The following GASK1A variants were observed in gnomAD, a reference collection of about 807,000 sequenced individuals.
The protein encoded by GASK1A is golgi associated kinase 1A.
In GASK1A, 40 loss-of-function variants were observed where a neutral mutation model predicts 41.2. That is an observed-to-expected ratio of 0.97 (90% CI 0.75 to 1.27). GASK1A has a LOEUF of 1.27. Ranked by LOEUF, GASK1A falls within the 50% of genes most tolerant of loss-of-function variation. The pLI, the probability that GASK1A is intolerant of heterozygous loss-of-function variation, is 0.00. For synonymous variants in GASK1A, 316 were observed against 307.1 expected (o/e 1.03, Z -0.30); for missense variants, 678 against 745.1 (o/e 0.91, Z 1.05).
Position 42,979,510 on chromosome 3 carries a change from C to T in GASK1A, c.-133C>T, listed in dbSNP as rs2089268503. 6 of 1,039,642 alleles carry T rather than the reference C, an allele frequency of 5.8e-6. No homozygotes were observed. Among genetic ancestry groups the T allele is most frequent in the Non-Finnish European group, 7.4e-6 (6 of 811,694 alleles). The allele number at this position is 1,039,642 out of a possible 1,614,324, so 64.4% of individuals were successfully genotyped here. The stretch of plus-strand genomic sequence containing the variant: ...CGTGTGCACCTTCAGTCCGGGAAAC[C>T]CGCCCCAGCCGAGTAGCCGCGCATC... On this transcript the variant is annotated 5_prime_UTR_variant, in exon 1 of 5. Coordinates refer to ENST00000430121, the MANE Select transcript of GASK1A (RefSeq NM_001129908.3).
At chr3:42,988,790 T>G (rs1490762521) in intron 1 of GASK1A, among the ~76,000 whole-genome samples, 3 of 152,240 alleles carry the variant, frequency 2.0e-5, no homozygotes, top group African/African-American at 7.2e-5. Context: ...CCACTGCCTC[T>G]CTGTGCTTCA....
rs547069158 is a variant in GASK1A, at chr3:42,994,144, T to C, written c.3+14499T>C. ...AGCCCTTGCATTTTGATATCTAGTC[T>C]TTGGAAATTTTTTGCTAAAAATAAA... On this transcript the variant is annotated intron_variant, in intron 1 of 4. Transcript: ENST00000430121. Among the ~76,000 whole-genome samples, 8 of 152,352 alleles carry C rather than the reference T, an allele frequency of 5.3e-5. No individual in the cohort carries two copies. The South Asian group carries it at 1.7e-3, about 32-fold the overall frequency.
chr3:43,030,588 C>A (rs1337866106), intron 1 of GASK1A, among the ~76,000 whole-genome samples: 2 of 152,242 alleles, frequency 1.3e-5, no homozygotes, highest in African/African-American at 4.8e-5. Flanking sequence ...TCTCTCCCTG[C>A]AGACTGGCTC....
intron 1 of GASK1A, among the ~76,000 whole-genome samples, chr3:43,009,607 C>T (rs949009036): frequency 2.0e-5 from 3 of 152,154 alleles, no homozygotes; most frequent in African/African-American, 4.8e-5. Context: ...TTTCGAGTTC[C>T]TCAGCCATAA....
intron 1 of GASK1A, among the ~76,000 whole-genome samples, chr3:43,024,358 G>A (rs1333433956): frequency 6.6e-6 from 1 of 152,164 alleles, no homozygotes; most frequent in Non-Finnish European, 1.5e-5. Flanking sequence ...AGCTGCATTT[G>A]CTCTCGCAAT....
rs1271105948 is a variant in GASK1A at position 43,055,669 on chromosome 3, A to T, written c.1517+134A>T. ...ACAGAAGTTATTGGATCAGAACTTT[A>T]GGCGGTGGTGGGGAGCCCTGGGAAA... On this transcript the variant is annotated intron_variant, in intron 4 of 4. Coordinates refer to ENST00000430121, the MANE Select transcript of GASK1A (RefSeq NM_001129908.3). 4 of 677,124 alleles carry T rather than the reference A, an allele frequency of 5.9e-6. No homozygotes were observed. In the African/African-American group the frequency reaches 7.2e-5, roughly 12 times the overall value. The allele number at this position is 677,124 out of a possible 1,614,324, so 41.9% of individuals were successfully genotyped here. A position where few individuals can be genotyped will look rare whatever the true frequency, so the allele number is the denominator to read the frequency against.
At chr3:43,055,246 T>C (rs757044722) in intron 3 of GASK1A, among the ~76,000 whole-genome samples, 186 bp from the exon 4 acceptor site, 3 of 152,196 alleles carry the variant, frequency 2.0e-5, no homozygotes, top group Admixed American at 6.5e-5. Context: ...ATTGACAGGA[T>C]GTCTGGAAGC....
intron 1 of GASK1A, among the ~76,000 whole-genome samples, chr3:42,986,949 G>T (rs527803441): frequency 6.6e-6 from 1 of 152,228 alleles, no homozygotes; most frequent in Non-Finnish European, 1.5e-5. Context: ...GCATCCGGAT[G>T]TATGGGTCTC....
In GASK1A at chr3:43,032,804, G is replaced by A. The variant is rs1368971248; in HGVS notation, c.541G>A (p.Ala181Thr). 2 of 1,549,982 alleles carry A rather than the reference G, an allele frequency of 1.3e-6. No homozygotes were observed. Among genetic ancestry groups the A allele is most frequent in the Non-Finnish European group, 1.7e-6 (2 of 1,146,978 alleles). Residue 181 changes from alanine (A) to threonine (T), a missense_variant, in exon 2 of 5, where the codon GCT (alanine) becomes ACT (threonine). By Grantham distance (58) the Ala-to-Thr change is moderately conservative. Transcript: ENST00000430121. ...TCCACTCCCAGGGAGTGACATGGCA[G>A]CTTTACCGGCTTGGAGAGCTACTTC... ...VSPLPGSDMA[A>T]LPAWRATSGL...
At chr3:43,022,084 G>C (rs978123065) in intron 1 of GASK1A, among the ~76,000 whole-genome samples, 1 of 152,214 alleles carries the variant, frequency 6.6e-6, no homozygotes, top group Non-Finnish European at 1.5e-5. Flanking sequence ...CCGCCCCCCG[G>C]CATGTCTGCA....
At chr3:43,025,166 A>G (rs1283133147) in intron 1 of GASK1A, among the ~76,000 whole-genome samples, 3 of 152,180 alleles carry the variant, frequency 2.0e-5, no homozygotes, top group African/African-American at 7.2e-5. Context: ...CCTGCAGAGG[A>G]GCAGGAGTGG....
chr3:43,042,785 C>T (rs1315797138), intron 2 of GASK1A, among the ~76,000 whole-genome samples: 1 of 152,140 alleles, frequency 6.6e-6, no homozygotes, highest in Non-Finnish European at 1.5e-5. Flanking sequence ...TCCTCAAAGC[C>T]CATCAGCTGG....
Position 43,019,975 on chromosome 3 carries a change from G to A in GASK1A, c.4-12292G>A, listed in dbSNP as rs117981093. 8.5e-4 allele frequency among the ~76,000 whole-genome samples: 130 copies of A among 152,268 alleles called. 2 individuals carry two copies. The East Asian group carries it at 0.023, about 26-fold the overall frequency. On this transcript the variant is annotated intron_variant, in intron 1 of 4. Transcript: ENST00000430121. ...CAGTTTGGTGGAGGACCAAATTTTT[G>A]TCATCCTTTTTTGATGTCTGGTAGT...
intron 1 of GASK1A, among the ~76,000 whole-genome samples, chr3:42,998,658 T>A (rs2089389845): frequency 6.6e-6 from 1 of 152,100 alleles, no homozygotes; most frequent in Non-Finnish European, 1.5e-5. Flanking sequence ...GGGGTCTCTG[T>A]CTCTGCCTCC....
intron 1 of GASK1A, among the ~76,000 whole-genome samples, chr3:43,024,286 A>G (rs1027074249): frequency 6.6e-6 from 1 of 152,038 alleles, no homozygotes; most frequent in African/African-American, 2.4e-5. Flanking sequence ...GAAATTATTC[A>G]ATTTCAGTTA....
At chr3:43,031,661 G>C (rs1200251533) in intron 1 of GASK1A, among the ~76,000 whole-genome samples, 1 of 152,216 alleles carries the variant, frequency 6.6e-6, no homozygotes, top group African/African-American at 2.4e-5. Context: ...GTGTGCAACC[G>C]GCAGGGACGG....
intron 2 of GASK1A, chr3:43,037,371 C>A: frequency 1.1e-6 from 1 of 943,194 alleles, no homozygotes; most frequent in South Asian, 1.3e-5. Context: ...TACAAATCCT[C>A]ATTGAAATGC....
chr3:43,026,441 A>G (rs1451788360), intron 1 of GASK1A, among the ~76,000 whole-genome samples: 1 of 152,264 alleles, frequency 6.6e-6, no homozygotes. Context: ...GTTTCTTAAC[A>G]GATGAGGGCT....
At chr3:42,980,465 C>T (rs1482725675) in intron 1 of GASK1A, among the ~76,000 whole-genome samples, 1 of 152,226 alleles carries the variant, frequency 6.6e-6, no homozygotes, top group Non-Finnish European at 1.5e-5. Flanking sequence ...TCACTGGGCT[C>T]CCCTGGCTGC....
Sources: allele counts gnomAD v4.1 joint callset (sites outside exome capture counted in the v4.1 genomes callset), GRCh38; gene constraint gnomAD v4.1.1; transcripts MANE v1.5; gene names NCBI Gene and HGNC (gene_info 2026-07-23, HGNC 2026-07-21).